Variants in ME2 observed in about 807,000 individuals in gnomAD.
The protein encoded by ME2 is NAD-dependent malic enzyme, mitochondrial.
ME2 carries 60 observed loss-of-function variants against 73.7 expected under a neutral mutation model. That is an observed-to-expected ratio of 0.81 (90% CI 0.66 to 1.01). ME2 has a LOEUF of 1.01. ME2 is among the 50% of genes least tolerant of loss of function. The pLI is 0.00. For missense variants in ME2, 594 were observed against 705.5 expected, an observed-to-expected ratio of 0.84 and a Z score of 1.79; for synonymous variants, 199 against 236.9, an observed-to-expected ratio of 0.84 and a Z score of 1.47.
rs566402776 is a variant in ME2, at chr18:50,951,096, C to A, written c.*3912C>A. 3.9e-5 allele frequency: 6 copies of A among 152,304 alleles called. No individual in the cohort carries two copies. The South Asian group carries it at 1.2e-3, about 32-fold the overall frequency. 9.4% of individuals were successfully genotyped at this position (152,304 alleles called of 1,614,324 possible). A position where few individuals can be genotyped will look rare whatever the true frequency, so the allele number is the denominator to read the frequency against. On this transcript the variant is annotated 3_prime_UTR_variant, in exon 16 of 16. Transcript: ENST00000321341. ...TTAATTCTAAATTATAGATTTGTAG[C>A]ATACTTAGTAAACTTAGTAACCAAT... is the stretch of plus-strand genomic sequence containing the variant.
At position 50,948,002 on chromosome 18, in the gene ME2, T is replaced by G. The variant is rs1053718447; in HGVS notation, c.*818T>G. ...CTAGGAGGGAGTATAAGATACCTAATCATATGGGAACATCACGTGACTTTT... is the reference window on the plus strand; with the variant it reads ...CTAGGAGGGAGTATAAGATACCTAAGCATATGGGAACATCACGTGACTTTT... On this transcript the variant is annotated 3_prime_UTR_variant, in exon 16 of 16. Transcript: ENST00000321341. 1 of 152,226 alleles carries G rather than the reference T, an allele frequency of 6.6e-6. No individual in the cohort carries two copies. Among genetic ancestry groups the G allele is most frequent in the African/African-American group, 2.4e-5 (1 of 41,446 alleles). 9.4% of individuals were successfully genotyped at this position (152,226 alleles called of 1,614,324 possible).
intron 12 of ME2, among the ~76,000 whole-genome samples, chr18:50,926,759 T>A (rs1214785492): frequency 6.6e-6 from 1 of 152,246 alleles, no homozygotes; most frequent in African/African-American, 2.4e-5. Context: ...GCAGATTCTC[T>A]GTTCAGCTGT....
intron 1 of ME2, among the ~76,000 whole-genome samples, chr18:50,892,450 G>A (rs2055171495): frequency 6.6e-6 from 1 of 152,188 alleles, no homozygotes; most frequent in South Asian, 2.1e-4. Flanking sequence ...TGGATTGTTT[G>A]AGGGGAAACT....
At chr18:50,928,529 C>T (rs1326365614) in intron 12 of ME2, among the ~76,000 whole-genome samples, 6 of 152,036 alleles carry the variant, frequency 3.9e-5, no homozygotes, top group East Asian at 3.9e-4. Flanking sequence ...TGAGCCACTG[C>T]GCCCGGACTG....
At chr18:50,905,828 A>G (rs1217253497) in intron 2 of ME2, among the ~76,000 whole-genome samples, 1 of 152,170 alleles carries the variant, frequency 6.6e-6, no homozygotes, top group Admixed American at 6.5e-5. Flanking sequence ...AATGTTTCTT[A>G]TCAGGCTTAA....
intron 2 of ME2, among the ~76,000 whole-genome samples, chr18:50,904,105 G>C (rs940296037): frequency 1.2e-4 from 19 of 152,062 alleles, no homozygotes. Flanking sequence ...ATTGTAAAAT[G>C]TCCTCTGTAG....
chr18:50,919,671 C>G (rs1230543648), intron 7 of ME2, among the ~76,000 whole-genome samples: 1 of 152,040 alleles, frequency 6.6e-6, no homozygotes, highest in Admixed American at 6.6e-5. Flanking sequence ...TCTGCCACTC[C>G]CGTCTCCCCA....
chr18:50,912,056 G>C (rs991737580), intron 3 of ME2, among the ~76,000 whole-genome samples: 3 of 152,122 alleles, frequency 2.0e-5, no homozygotes, highest in Non-Finnish European at 4.4e-5. Context: ...TATAGGATTG[G>C]TGTTGGGGAG....
intron 3 of ME2, among the ~76,000 whole-genome samples, chr18:50,910,302 G>A (rs1228123673): frequency 6.9e-6 from 1 of 145,556 alleles, no homozygotes; most frequent in Non-Finnish European, 1.5e-5. Flanking sequence ...AGCCAGGCAT[G>A]GTGTCGCATA....
At chr18:50,923,034 G>A (rs183929977) in intron 10 of ME2, among the ~76,000 whole-genome samples, 1 of 152,248 alleles carries the variant, frequency 6.6e-6, no homozygotes, top group Admixed American at 6.5e-5. Context: ...ATTCTTCATT[G>A]TTCTAGTCTG....
Position 50,947,542 on chromosome 18 carries a change from C to T in ME2, c.*358C>T, listed in dbSNP as rs1187130993. ...GGTAATACTCTTCTCTGGCCTAGTT[C>T]TTACAGAGCTACTAAAATAGAAATT... On this transcript the variant is annotated 3_prime_UTR_variant, in exon 16 of 16. Transcript: ENST00000321341. 1 of 163,572 alleles carries T rather than the reference C, an allele frequency of 6.1e-6. No homozygotes were observed. Among genetic ancestry groups the T allele is most frequent in the Non-Finnish European group, 1.3e-5 (1 of 76,018 alleles). 10.1% of individuals were successfully genotyped at this position (163,572 alleles called of 1,614,324 possible).
At chr18:50,888,641 A>C (rs1916537713) in intron 1 of ME2, among the ~76,000 whole-genome samples, 2 of 152,242 alleles carry the variant, frequency 1.3e-5, no homozygotes, top group African/African-American at 4.8e-5. Context: ...ATTGTGATTC[A>C]AGGAAAATCT....
At chr18:50,920,865 G>A (rs551357823) in intron 9 of ME2, 107 bp downstream of exon 9, 2 of 874,504 alleles carry the variant, frequency 2.3e-6, no homozygotes, top group South Asian at 1.9e-5. Context: ...CTGTAATTTT[G>A]TTGAGGTAGA....
chr18:50,917,052 C>T (rs1246001357), intron 5 of ME2: 1 of 205,388 alleles, frequency 4.9e-6, no homozygotes, highest in Non-Finnish European at 9.9e-6. Context: ...GAATCTTGTT[C>T]ATCTCTGCCA....
chr18:50,921,019 T>C, intron 9 of ME2, 55 bp from the exon 10 acceptor site: 1 of 856,484 alleles, frequency 1.2e-6, no homozygotes, highest in South Asian at 1.9e-5. Flanking sequence ...TATAAAGTAA[T>C]TCAAGCATTG....
At chr18:50,879,716 T>C (rs1319343045) in intron 1 of ME2, among the ~76,000 whole-genome samples, 1 of 152,216 alleles carries the variant, frequency 6.6e-6, no homozygotes, top group African/African-American at 2.4e-5. Context: ...CCTATCTCCT[T>C]TATTCAGTCG....
At chr18:50,946,449 A>G (rs1309406265) in intron 15 of ME2, among the ~76,000 whole-genome samples, 1 of 152,184 alleles carries the variant, frequency 6.6e-6, no homozygotes. Context: ...GAGAATAATG[A>G]TAGCACTTAT....
chr18:50,925,732 G>GT (rs756511902), intron 11 of ME2, 24 bp from the exon 12 acceptor site: 1 of 1,610,322 alleles, frequency 6.2e-7, no homozygotes, highest in South Asian at 1.1e-5. Flanking sequence ...TGAAGTTGCT[G>GT]TTTTTCCCCC....
At chr18:50,881,705 A>T (rs1459025494) in intron 1 of ME2, among the ~76,000 whole-genome samples, 1 of 152,210 alleles carries the variant, frequency 6.6e-6, no homozygotes, top group African/African-American at 2.4e-5. Context: ...TCTTATATTA[A>T]TTTGATCATT....
Sources: gnomAD v4.1 joint callset for allele counts (sites outside exome capture counted in the v4.1 genomes callset) on GRCh38, gnomAD v4.1.1 for gene constraint, MANE v1.5 for transcripts, NCBI Gene and HGNC (gene_info 2026-07-23, HGNC 2026-07-21) for gene names.